Variants in MACROD2 observed in about 807,000 individuals in gnomAD.
MACROD2 encodes the protein mono-ADP ribosylhydrolase 2, also known as ADP-ribose glycohydrolase MACROD2.
A neutral mutation model predicts 70.4 loss-of-function variants in MACROD2; 36 were observed. The observed-to-expected ratio is 0.51, with a 90% CI of 0.39 to 0.68. The LOEUF is 0.68. MACROD2 is among the 30% of genes least tolerant of loss of function. The probability of loss-of-function intolerance (pLI) is 0.00; values close to 1 mark genes in which losing one functional copy is unlikely to be tolerated. For synonymous variants in MACROD2, 172 were observed against 178.8 expected, an observed-to-expected ratio of 0.96 and a Z score of 0.30; for missense variants, 496 against 538.4, an observed-to-expected ratio of 0.92 and a Z score of 0.78.
intron 2 of MACROD2, among the ~76,000 whole-genome samples, chr20:14,023,714 G>A (rs1211930256): frequency 1.3e-5 from 2 of 152,130 alleles, no homozygotes; most frequent in Admixed American, 1.3e-4. Context: ...GGCTGTAGAT[G>A]TGTGGCATTA....
chr20:14,050,768 G>A (rs187651270), intron 2 of MACROD2, among the ~76,000 whole-genome samples: 14 of 152,186 alleles, frequency 9.2e-5, no homozygotes, highest in Non-Finnish European at 1.5e-4. Flanking sequence ...TCTCAGAAAC[G>A]AAAAATCTGA....
chr20:15,779,393 G>A (rs961322807), intron 8 of MACROD2, among the ~76,000 whole-genome samples: 1 of 152,120 alleles, frequency 6.6e-6, no homozygotes. Flanking sequence ...TGGGTAAAGA[G>A]GTAGGCAATG....
intron 8 of MACROD2, among the ~76,000 whole-genome samples, chr20:15,512,473 A>C (rs1200842731): frequency 6.6e-6 from 1 of 152,224 alleles, no homozygotes; most frequent in African/African-American, 2.4e-5. Flanking sequence ...TTCTTCTTTG[A>C]GTACTTATTG....
intron 8 of MACROD2, among the ~76,000 whole-genome samples, chr20:15,580,386 G>C (rs572141833): frequency 6.6e-6 from 1 of 152,140 alleles, no homozygotes; most frequent in African/African-American, 2.4e-5. Context: ...ATCTCCCTGG[G>C]ATCATCTGTG....
At chr20:14,721,805 A>G (rs2071473181) in intron 5 of MACROD2, among the ~76,000 whole-genome samples, 1 of 152,112 alleles carries the variant, frequency 6.6e-6, no homozygotes. Flanking sequence ...CCTTAAGACA[A>G]TTTCAACCAA....
chr20:14,805,796 G>A (rs1255128768), intron 5 of MACROD2, among the ~76,000 whole-genome samples: 1 of 151,924 alleles, frequency 6.6e-6, no homozygotes, highest in Non-Finnish European at 1.5e-5. Context: ...TAAGAGCAAT[G>A]GCTTAGCTAG....
At chr20:16,022,485 G>C (rs1395223084) in intron 15 of MACROD2, among the ~76,000 whole-genome samples, 1 of 152,160 alleles carries the variant, frequency 6.6e-6, no homozygotes, top group Non-Finnish European at 1.5e-5. Flanking sequence ...CAATCAGTAA[G>C]CCAATGACTC....
At chr20:14,934,315 A>T (rs542272839) in intron 5 of MACROD2, among the ~76,000 whole-genome samples, 25 of 152,310 alleles carry the variant, frequency 1.6e-4, no homozygotes, top group Non-Finnish European at 3.1e-4. Flanking sequence ...AAAGCAACAG[A>T]AGAAGGCCAC....
chr20:15,819,946 G>A (rs1805421002), intron 8 of MACROD2, among the ~76,000 whole-genome samples: 1 of 152,110 alleles, frequency 6.6e-6, no homozygotes, highest in Non-Finnish European at 1.5e-5. Flanking sequence ...AACTGTGTGA[G>A]ATGATAGATA....
intron 3 of MACROD2, among the ~76,000 whole-genome samples, chr20:14,452,280 G>A (rs1049564468): frequency 6.6e-6 from 1 of 151,882 alleles, no homozygotes; most frequent in Non-Finnish European, 1.5e-5. Context: ...AAATAATAAG[G>A]TTTTTGTGTC....
intron 6 of MACROD2, among the ~76,000 whole-genome samples, chr20:15,344,566 TA>T (rs1600268800): frequency 2.0e-5 from 3 of 152,176 alleles, no homozygotes; most frequent in East Asian, 3.9e-4. Context: ...TAGAAACAAT[TA>T]TTTTTTTTTA....
intron 5 of MACROD2, among the ~76,000 whole-genome samples, chr20:15,058,874 C>G (rs940560749): frequency 6.6e-6 from 1 of 152,160 alleles, no homozygotes; most frequent in Non-Finnish European, 1.5e-5. Context: ...AGAGCGTCAA[C>G]TTATAAGAAG....
chr20:15,976,672 G>C (rs2066311023), intron 13 of MACROD2, among the ~76,000 whole-genome samples: 1 of 152,156 alleles, frequency 6.6e-6, no homozygotes, highest in Admixed American at 6.5e-5. Context: ...GCCAAAGCCT[G>C]CCTCGTTTTC....
intron 9 of MACROD2, among the ~76,000 whole-genome samples, chr20:15,880,033 C>T (rs1243468971): frequency 2.6e-5 from 4 of 152,058 alleles, no homozygotes; most frequent in Non-Finnish European, 4.4e-5. Context: ...CTTGTTAGAC[C>T]TTCAACTGAT....
At chr20:15,174,261 T>C (rs1275323951) in intron 5 of MACROD2, among the ~76,000 whole-genome samples, 1 of 152,210 alleles carries the variant, frequency 6.6e-6, no homozygotes, top group African/African-American at 2.4e-5. Flanking sequence ...CTTCTATTTG[T>C]AACAAAATGT....
chr20:16,025,244 C>T (rs964017457), intron 15 of MACROD2, among the ~76,000 whole-genome samples: 1 of 152,098 alleles, frequency 6.6e-6, no homozygotes, highest in African/African-American at 2.4e-5. Context: ...TCGCAGAGTC[C>T]ATTCTGTCAT....
intron 3 of MACROD2, among the ~76,000 whole-genome samples, chr20:14,476,068 T>A (rs1299128173): frequency 6.6e-6 from 1 of 152,162 alleles, no homozygotes; most frequent in Non-Finnish European, 1.5e-5. Context: ...AGAGGTAAGT[T>A]GAACCAACTG....
chr20:15,358,263 A>G (rs2078312000), intron 6 of MACROD2, among the ~76,000 whole-genome samples: 1 of 152,206 alleles, frequency 6.6e-6, no homozygotes, highest in Non-Finnish European at 1.5e-5. Flanking sequence ...ACACGGCTCT[A>G]ATCAAAGATA....
intron 5 of MACROD2, among the ~76,000 whole-genome samples, chr20:14,720,571 G>C (rs6079539): frequency 6.2e-5 from 1 of 16,182 alleles, no homozygotes; most frequent in African/African-American, 3.2e-4. Flanking sequence ...TTTTTTTTTT[G>C]TGAGGCAGAG....
Sources: allele counts gnomAD v4.1 joint callset (sites outside exome capture counted in the v4.1 genomes callset), GRCh38; gene constraint gnomAD v4.1.1; transcripts MANE v1.5; gene names NCBI Gene and HGNC (gene_info 2026-07-23, HGNC 2026-07-21).